RYR2: variants seen among roughly 807,000 people sequenced by gnomAD.
RYR2 encodes the protein cardiac muscle ryanodine receptor-calcium release channel.
In RYR2, 227 loss-of-function variants were observed where a neutral mutation model predicts 601.1. The ratio of observed to expected loss-of-function variants is 0.38; its 90% CI spans 0.34 to 0.42. The LOEUF (loss-of-function observed/expected upper bound fraction) is 0.42, where lower values mean the gene tolerates loss of function less well. RYR2 is among the 10% of genes least tolerant of loss of function. The pLI, the probability that RYR2 is intolerant of heterozygous loss-of-function variation, is 1.00. For synonymous variants in RYR2, 2,223 were observed against 2,175.1 expected, an observed-to-expected ratio of 1.02 and a Z score of -0.61; for missense variants, 4,646 against 6,156.5, an observed-to-expected ratio of 0.75 and a Z score of 8.21.
chr1:237,542,713 G>A (rs779500507), intron 25 of RYR2, among the ~76,000 whole-genome samples: 13 of 152,120 alleles, frequency 8.5e-5, no homozygotes, highest in Non-Finnish European at 1.3e-4. Flanking sequence ...CTCTCTGGCC[G>A]CTTGGAGATT....
intron 1 of RYR2, among the ~76,000 whole-genome samples, chr1:237,163,354 TA>T (rs1337670197): frequency 4.8e-3 from 45 of 9,366 alleles, no homozygotes; most frequent in Non-Finnish European, 6.2e-3. Context: ...CCCAACCCCC[TA>T]CCCCCCCCAC....
At chr1:237,643,617 T>C (rs1044829120) in intron 48 of RYR2, among the ~76,000 whole-genome samples, 170 bp downstream of exon 48, 2 of 51,104 alleles carry the variant, frequency 3.9e-5, no homozygotes, top group South Asian at 4.2e-4. Context: ...TATAATTTTT[T>C]CCTTTTTTTT....
chr1:237,486,614 C>A (rs1662717150), intron 17 of RYR2, among the ~76,000 whole-genome samples: 1 of 152,056 alleles, frequency 6.6e-6, no homozygotes, highest in African/African-American at 2.4e-5. Flanking sequence ...GTTGTCAGGC[C>A]TCATTAAGTT....
rs371932356 is a variant in RYR2, at chr1:237,795,836, G to GTGTATATATATATATATATA, written c.13956+506_13956+507insGTATATATATATATATATAT. On this transcript the variant is annotated intron_variant, in intron 96 of 104. Transcript: ENST00000366574. ...TATACAGGTATGTATGTGTGTGTGT[G>GTGTATATATATATATATATA]TATATATATATATGTATATGTATAT... Among the ~76,000 whole-genome samples, 6 of 132,692 alleles carry GTGTATATATATATATATATA rather than the reference G, an allele frequency of 4.5e-5. No homozygotes were observed. In the South Asian group the frequency reaches 7.2e-4, roughly 16 times the overall value. 87.1% of individuals were successfully genotyped at this position (132,692 alleles called of 152,430 possible).
chr1:237,503,151 A>G, intron 21 of RYR2, 138 bp from the exon 22 acceptor site: 1 of 693,882 alleles, frequency 1.4e-6, no homozygotes, highest in East Asian at 2.7e-5. Context: ...AGGTGATCAC[A>G]TTATGATGGT....
intron 1 of RYR2, among the ~76,000 whole-genome samples, chr1:237,208,964 A>ATAT (rs1682177706): frequency 1.9e-5 from 2 of 104,584 alleles, no homozygotes; most frequent in Non-Finnish European, 4.1e-5. Flanking sequence ...ATATATATAT[A>ATAT]TATATATATA....
At chr1:237,709,145 T>A (rs1379997236) in intron 69 of RYR2, 47 bp downstream of exon 69, 18 of 1,494,724 alleles carry the variant, frequency 1.2e-5, no homozygotes, top group Non-Finnish European at 1.6e-5. Context: ...GGTCATAACG[T>A]TTCTTGGCTC....
chr1:237,178,866 T>C (rs1678384663), intron 1 of RYR2, among the ~76,000 whole-genome samples: 1 of 152,202 alleles, frequency 6.6e-6, no homozygotes, highest in African/African-American at 2.4e-5. Flanking sequence ...TCACCAAGAA[T>C]TTCTAAATTT....
chr1:237,453,344 A>T (rs1282999476), intron 14 of RYR2, among the ~76,000 whole-genome samples: 2 of 152,160 alleles, frequency 1.3e-5, no homozygotes, highest in Non-Finnish European at 2.9e-5. Flanking sequence ...GAAATCAAAT[A>T]TTCCAAAATC....
chr1:237,467,830 G>A (rs1360224189), intron 16 of RYR2, among the ~76,000 whole-genome samples: 4 of 150,378 alleles, frequency 2.7e-5, no homozygotes, highest in African/African-American at 9.8e-5. Context: ...TACTTCAAAC[G>A]CTTGCATCAG....
intron 27 of RYR2, among the ~76,000 whole-genome samples, chr1:237,556,507 C>T (rs1262240758): frequency 5.6e-5 from 8 of 143,938 alleles, no homozygotes; most frequent in African/African-American, 2.0e-4. Context: ...GGCGGGGTTT[C>T]ACCATATTGG....
chr1:237,624,289 A>G lies in RYR2; in HGVS notation c.6022+419A>G, dbSNP rs540852382. Among the ~76,000 whole-genome samples, 3 of 152,316 alleles carry G rather than the reference A, an allele frequency of 2.0e-5. No individual in the cohort carries two copies. The South Asian group carries it at 6.2e-4, about 32-fold the overall frequency. On this transcript the variant is annotated intron_variant, in intron 39 of 104. Coordinates refer to ENST00000366574, the MANE Select transcript of RYR2 (RefSeq NM_001035.3). ...GGGTGCTTCTAGTTCACAATACTGT[A>G]TTGTGCACTTAAAATTCTGTTAAGA...
At chr1:237,263,348 A>G (rs1485145200) in intron 1 of RYR2, among the ~76,000 whole-genome samples, 1 of 152,232 alleles carries the variant, frequency 6.6e-6, no homozygotes, top group African/African-American at 2.4e-5. Flanking sequence ...TAACATTTGC[A>G]GGCACAGTGT....
intron 24 of RYR2, among the ~76,000 whole-genome samples, chr1:237,517,577 C>T (rs1666675463): frequency 6.6e-6 from 1 of 151,784 alleles, no homozygotes; most frequent in Admixed American, 6.6e-5. Flanking sequence ...CCATCCTGGG[C>T]TGTGGGCTGG....
At chr1:237,234,879 T>C (rs1685394955) in intron 1 of RYR2, among the ~76,000 whole-genome samples, 1 of 152,092 alleles carries the variant, frequency 6.6e-6, no homozygotes, top group Non-Finnish European at 1.5e-5. Context: ...CTTACAGTTT[T>C]GTGATTTTTT....
intron 2 of RYR2, among the ~76,000 whole-genome samples, chr1:237,297,475 A>T (rs1198716177): frequency 6.6e-6 from 1 of 152,138 alleles, no homozygotes; most frequent in Non-Finnish European, 1.5e-5. Context: ...TATTAGACTT[A>T]AAGACTTCAG....
intron 72 of RYR2, 127 bp from the exon 73 acceptor site, chr1:237,718,335 G>A: frequency 2.0e-6 from 1 of 497,010 alleles, no homozygotes; most frequent in Non-Finnish European, 3.6e-6. Flanking sequence ...CAAATTTGTA[G>A]CATGTAATTT....
At chr1:237,436,396 C>A (rs1251348522) in intron 12 of RYR2, among the ~76,000 whole-genome samples, 11 of 146,346 alleles carry the variant, frequency 7.5e-5, no homozygotes, top group African/African-American at 2.8e-4. Flanking sequence ...TTTCTTTCCA[C>A]AAACTCACTT....
chr1:237,350,603 A>ATG (rs1698733845), intron 3 of RYR2, among the ~76,000 whole-genome samples: 111 of 49,942 alleles, frequency 2.2e-3, no homozygotes, highest in African/African-American at 0.011. Flanking sequence ...AAAAAAAAAA[A>ATG]TATATATATA....
Sources: allele counts gnomAD v4.1 joint callset (sites outside exome capture counted in the v4.1 genomes callset), GRCh38; gene constraint gnomAD v4.1.1; transcripts MANE v1.5; gene names NCBI Gene and HGNC (gene_info 2026-07-23, HGNC 2026-07-21).